Variants in SENP7 observed in about 807,000 individuals in gnomAD.
SENP7 encodes sentrin-specific protease 7.
SENP7 carries 64 observed loss-of-function variants against 141.2 expected under a neutral mutation model. That is an observed-to-expected ratio of 0.45 (90% CI 0.37 to 0.56). The LOEUF is 0.56. Ranked by LOEUF, SENP7 falls within the 20% of genes least tolerant of loss-of-function variation. SENP7 has a pLI of 0.00. For synonymous variants in SENP7, 382 were observed against 426.4 expected (o/e 0.90, Z 1.28); for missense variants, 1,025 against 1,212.2 (o/e 0.85, Z 2.29).
Position 101,343,908 on chromosome 3 carries a change from T to A in SENP7, c.1884A>T (p.Ser628=). 1 of 1,610,676 alleles carries A rather than the reference T, an allele frequency of 6.2e-7. No homozygotes were observed. The highest frequency in any genetic ancestry group is 1.1e-5 in the South Asian group (1 of 90,736). Residue 628 remains serine, a synonymous_variant, in exon 14 of 24, where the codon TCA becomes TCT. Coordinates refer to ENST00000394095, the MANE Select transcript of SENP7 (RefSeq NM_020654.5). Reference sequence around the variant, plus strand: ...CTTTCAGCTTCAATTCTTCTCTTTGTGAAACAGGATTGTGTAGTTCAAGGA... The same window carrying A: ...CTTTCAGCTTCAATTCTTCTCTTTGAGAAACAGGATTGTGTAGTTCAAGGA... ...FIFLELHNPV[S]QREELKLKDI...
In SENP7 at chr3:101,432,639, C is replaced by A. The variant is rs139480332; in HGVS notation, c.285-14849G>T. ...TAAGGGAAAAGAACAAGAGTCTCTG[C>A]CTGGTAATCCAGAGAATTCTCCCAG... On this transcript the variant is annotated intron_variant, in intron 4 of 23. Coordinates refer to ENST00000394095, the MANE Select transcript of SENP7 (RefSeq NM_020654.5). Among the ~76,000 whole-genome samples, 520 of 152,282 alleles carry A rather than the reference C, an allele frequency of 3.4e-3. 5 individuals are homozygous for A. The highest frequency in any genetic ancestry group is 0.012 in the African/African-American group (500 of 41,554).
Position 101,513,149 on chromosome 3 carries a change from T to C in SENP7, c.-19A>G, listed in dbSNP as rs775694010. On this transcript the variant is annotated 5_prime_UTR_variant, in exon 1 of 24. Coordinates refer to ENST00000394095, the MANE Select transcript of SENP7 (RefSeq NM_020654.5). ...TGTCCATCTTCTCCCGCTGCTGAAA[T>C]TTCAGTTGCAGGCGCTGTCACCTCA... 1 of 1,578,302 alleles carries C rather than the reference T, an allele frequency of 6.3e-7. No homozygotes were observed. Among genetic ancestry groups the C allele is most frequent in the African/African-American group, 1.4e-5 (1 of 69,774 alleles).
intron 1 of SENP7, among the ~76,000 whole-genome samples, chr3:101,502,835 G>A (rs561382209): frequency 1.3e-4 from 19 of 151,668 alleles, no homozygotes; most frequent in Admixed American, 3.9e-4. Context: ...AGGATCACTC[G>A]AGCCTGGGAG....
At chr3:101,409,663 C>T (rs1381008442) in intron 5 of SENP7, among the ~76,000 whole-genome samples, 1 of 152,014 alleles carries the variant, frequency 6.6e-6, no homozygotes, top group African/African-American at 2.4e-5. Flanking sequence ...TTTGACAAAG[C>T]AAACAAAAAC....
intron 4 of SENP7, among the ~76,000 whole-genome samples, chr3:101,439,528 T>C (rs1472118259): frequency 6.4e-4 from 17 of 26,366 alleles, no homozygotes; most frequent in East Asian, 3.8e-3. Flanking sequence ...TGGCCAGCCG[T>C]GCCGTCCGGG....
intron 4 of SENP7, among the ~76,000 whole-genome samples, chr3:101,453,565 A>G (rs1378029358): frequency 6.6e-6 from 1 of 152,198 alleles, no homozygotes; most frequent in Non-Finnish European, 1.5e-5. Flanking sequence ...TGTCCTTTGT[A>G]GGGACATGGA....
intron 7 of SENP7, among the ~76,000 whole-genome samples, chr3:101,369,099 T>A (rs1298056700): frequency 6.6e-6 from 1 of 152,210 alleles, no homozygotes; most frequent in Non-Finnish European, 1.5e-5. Context: ...CTCATGCCAA[T>A]CATTACTAAA....
At chr3:101,471,976 G>A (rs62575106) in intron 3 of SENP7, among the ~76,000 whole-genome samples, 3,625 of 152,210 alleles carry the variant, frequency 0.024, 148 homozygotes, top group African/African-American at 0.083. Flanking sequence ...CAGTTACAAT[G>A]GCAATCATTA....
At chr3:101,434,412 GAGAAAAAATAA>G (rs2062305794) in intron 4 of SENP7, among the ~76,000 whole-genome samples, 1 of 151,246 alleles carries the variant, frequency 6.6e-6, no homozygotes, top group Non-Finnish European at 1.5e-5. Flanking sequence ...AAAATTAGAA[GAGAAAAAATAA>G]AGAGAGAAAA....
chr3:101,394,174 A>T (rs2060895519), intron 6 of SENP7, among the ~76,000 whole-genome samples: 1 of 152,160 alleles, frequency 6.6e-6, no homozygotes, highest in Admixed American at 6.5e-5. Flanking sequence ...AACTTATTTA[A>T]GCTCTCACAT....
At position 101,470,312 on chromosome 3, in the gene SENP7, A is replaced by C. The variant is rs371712359; in HGVS notation, c.187-11260T>G. Among the ~76,000 whole-genome samples, 12 of 152,338 alleles carry C rather than the reference A, an allele frequency of 7.9e-5. No individual in the cohort carries two copies. The South Asian group carries it at 2.3e-3, about 29-fold the overall frequency. ...ATCAAAAAGCGTATCCACCACAATC[A>C]AGTCGGCTTCATCCCTGGCATGCAA... On this transcript the variant is annotated intron_variant, in intron 3 of 23. Transcript: ENST00000394095.
In SENP7 at chr3:101,348,032, T is replaced by C; in HGVS notation, c.1677A>G (p.Ser559=). 4.4e-6 allele frequency: 7 copies of C among 1,593,572 alleles called. No individual in the cohort carries two copies. Among genetic ancestry groups the C allele is most frequent in the Non-Finnish European group, 6.0e-6 (7 of 1,171,962 alleles). ...IPFQVSLNEI[S]LLVDTTHLKR... is the part of the protein sequence containing the mutation. Reference sequence around the variant, plus strand: ...TTAAATGTGTGGTATCCACTAGCAATGAAATCTCATTCAGGGACACTGAAA... The same window carrying C: ...TTAAATGTGTGGTATCCACTAGCAACGAAATCTCATTCAGGGACACTGAAA... The change falls in exon 13 of 24, where the codon TCA becomes TCG. Residue 559 remains serine, a synonymous_variant. Coordinates refer to ENST00000394095, the MANE Select transcript of SENP7 (RefSeq NM_020654.5).
intron 3 of SENP7, among the ~76,000 whole-genome samples, chr3:101,481,560 A>G (rs1177593294): frequency 5.9e-5 from 9 of 152,194 alleles, no homozygotes; most frequent in Non-Finnish European, 1.2e-4. Flanking sequence ...TAGAAGGAGT[A>G]AGTTCTAATA....
intron 3 of SENP7, among the ~76,000 whole-genome samples, chr3:101,472,472 C>T (rs1181237409): frequency 1.3e-5 from 2 of 151,740 alleles, no homozygotes; most frequent in Non-Finnish European, 1.5e-5. Flanking sequence ...GGACACAGGG[C>T]GGGGAACATC....
chr3:101,336,745 AT>A (rs1347575988), intron 17 of SENP7, among the ~76,000 whole-genome samples: 1 of 152,218 alleles, frequency 6.6e-6, no homozygotes, highest in Non-Finnish European at 1.5e-5. Context: ...GAAATGCCTC[AT>A]GTTGCAACAA....
chr3:101,416,462 TTAAG>T (rs1395695289), intron 5 of SENP7, among the ~76,000 whole-genome samples: 3 of 152,186 alleles, frequency 2.0e-5, no homozygotes, highest in Non-Finnish European at 2.9e-5. Flanking sequence ...AGCCATTCCT[TTAAG>T]TAGCCCTTTT....
intron 17 of SENP7, among the ~76,000 whole-genome samples, chr3:101,335,831 A>G (rs1409198634): frequency 1.3e-5 from 2 of 152,196 alleles, no homozygotes; most frequent in Non-Finnish European, 2.9e-5. Context: ...TCCCCCTTCC[A>G]TATATCCCTC....
At chr3:101,511,867 T>C (rs1463079662) in intron 1 of SENP7, among the ~76,000 whole-genome samples, 2 of 152,238 alleles carry the variant, frequency 1.3e-5, no homozygotes, top group Non-Finnish European at 2.9e-5. Context: ...TTGCCCAGGC[T>C]GGAGTGCAGT....
At chr3:101,375,766 T>C (rs571301237) in intron 6 of SENP7, among the ~76,000 whole-genome samples, 109 of 152,250 alleles carry the variant, frequency 7.2e-4, no homozygotes, top group African/African-American at 2.3e-3. Flanking sequence ...GGTATATTCA[T>C]ACAATAAAAT....
Sources: allele counts gnomAD v4.1 joint callset (sites outside exome capture counted in the v4.1 genomes callset), GRCh38; gene constraint gnomAD v4.1.1; transcripts MANE v1.5; gene names NCBI Gene and HGNC (gene_info 2026-07-23, HGNC 2026-07-21).